MTCL1: variants seen among roughly 807,000 people sequenced by gnomAD.
The protein encoded by MTCL1 is microtubule crosslinking factor 1.
Under a neutral mutation model 141.4 loss-of-function variants are expected in MTCL1, and 79 were observed. The ratio of observed to expected loss-of-function variants is 0.56; its 90% CI spans 0.47 to 0.67. The LOEUF (loss-of-function observed/expected upper bound fraction) is 0.67, where lower values mean the gene tolerates loss of function less well. Among genes scored for constraint, MTCL1 ranks in the 30% least tolerant of loss-of-function variants. MTCL1 has a pLI of 0.00. For synonymous variants in MTCL1, 914 were observed against 875.8 expected (o/e 1.04, Z -0.77); for missense variants, 2,177 against 2,113.9 (o/e 1.03, Z -0.59).
chr18:8,826,618 A>T (rs2077036527), intron 15 of MTCL1, among the ~76,000 whole-genome samples: 1 of 152,180 alleles, frequency 6.6e-6, no homozygotes, highest in African/African-American at 2.4e-5. Context: ...CATACTGCAG[A>T]CCTTCATATG....
chr18:8,785,929 C>A lies in MTCL1; in HGVS notation c.1732-7C>A. ...ACAACAACAAATTCCTCCCGTGCAC[C>A]TAACAGTCCAGACTGAAAGAGCAGC... On this transcript the variant is annotated splice_region_variant and splice_polypyrimidine_tract_variant and intron_variant, in intron 6 of 16. Transcript: ENST00000359865. 3 of 1,579,088 alleles carry A rather than the reference C, an allele frequency of 1.9e-6. No individual in the cohort carries two copies. The highest frequency in any genetic ancestry group is 2.6e-6 in the Non-Finnish European group (3 of 1,166,236).
rs2144357509 is a variant in MTCL1, at chr18:8,819,344, C to T, written c.3156+85C>T. On this transcript the variant is annotated intron_variant, in intron 13 of 16. Coordinates refer to ENST00000359865, the Ensembl canonical transcript of MTCL1. ...CCTAAGAGGCATCTGCCAGATTCCTCTCCTGGCAGGCTCTAGCACTTTTGC... is the reference window on the plus strand; with the variant it reads ...CCTAAGAGGCATCTGCCAGATTCCTTTCCTGGCAGGCTCTAGCACTTTTGC... The T allele has an allele frequency of 2.8e-6, 4 of 1,434,776 alleles. No homozygotes were observed. In the South Asian group the frequency reaches 3.9e-5, roughly 14 times the overall value. 88.9% of individuals were successfully genotyped at this position (1,434,776 alleles called of 1,614,324 possible).
chr18:8,732,090 AAC>A (rs1218842855), intron 4 of MTCL1, among the ~76,000 whole-genome samples: 1 of 151,964 alleles, frequency 6.6e-6, no homozygotes, highest in Non-Finnish European at 1.5e-5. Flanking sequence ...TAATTTAGGT[AAC>A]TTTATTCTTT....
At chr18:8,742,687 T>C (rs193051624) in intron 4 of MTCL1, among the ~76,000 whole-genome samples, 245 of 152,352 alleles carry the variant, frequency 1.6e-3, no homozygotes, top group African/African-American at 5.7e-3. Flanking sequence ...CACATCACCG[T>C]CGTTTCCTTT....
exon 6 of MTCL1, chr18:8,783,557 C>T: frequency 1.2e-6 from 2 of 1,606,270 alleles, no homozygotes; most frequent in African/African-American, 1.3e-5. Flanking sequence ...GAGGTGCCAG[C>T]TCCAGTTTGC....
chr18:8,830,918 C>T lies in MTCL1; in HGVS notation c.*19-689C>T. The T allele has an allele frequency of 1.0e-6, 1 of 985,538 alleles. No homozygotes were observed. Among genetic ancestry groups the T allele is most frequent in the Non-Finnish European group, 1.2e-6 (1 of 830,022 alleles). 61.0% of individuals were successfully genotyped at this position (985,538 alleles called of 1,614,324 possible). ...TGTCTTGCATCACCTGCTCGCAGAA[C>T]ATTAGGATGCCTGAAACACAAAACC... is the stretch of plus-strand genomic sequence containing the variant. On this transcript the variant is annotated intron_variant, in intron 16 of 16. Coordinates refer to ENST00000359865, the Ensembl canonical transcript of MTCL1. This position sits in a 1 kb window ranked among gnomAD's most constrained non-coding sequence, Gnocchi z 6.4.
At chr18:8,731,489 G>A (rs546475568) in intron 4 of MTCL1, among the ~76,000 whole-genome samples, 37 of 151,962 alleles carry the variant, frequency 2.4e-4, no homozygotes, top group Admixed American at 1.6e-3. Flanking sequence ...CAAGAGAATC[G>A]CTTGAACCTG....
Position 8,830,627 on chromosome 18 carries a change from G to A in MTCL1, c.*19-980G>A, listed in dbSNP as rs2077165894. On this transcript the variant is annotated intron_variant, in intron 16 of 16. Coordinates refer to ENST00000359865, the Ensembl canonical transcript of MTCL1. This position sits in a 1 kb window ranked among gnomAD's most constrained non-coding sequence, Gnocchi z 6.4. ...ATCCTCCAACTCACTTCCTTTCTTT[G>A]AGGGTCCTTGTTCTCTGTCATCCTT... 1 of 985,656 alleles carries A rather than the reference G, an allele frequency of 1.0e-6. No individual in the cohort carries two copies. The highest frequency in any genetic ancestry group is 1.2e-6 in the Non-Finnish European group (1 of 830,126). The allele number at this position is 985,656 out of a possible 1,614,324, so 61.1% of individuals were successfully genotyped here.
chr18:8,801,618 C>T (rs958234164), intron 10 of MTCL1: 2 of 152,190 alleles, frequency 1.3e-5, no homozygotes, highest in Non-Finnish European at 2.9e-5. Flanking sequence ...ATCCTACCTC[C>T]CAGAGTTAAC....
At chr18:8,720,802 C>T (rs2096166142) in intron 4 of MTCL1, among the ~76,000 whole-genome samples, 1 of 152,108 alleles carries the variant, frequency 6.6e-6, no homozygotes, top group Non-Finnish European at 1.5e-5. Context: ...TTATTGGGCC[C>T]TGGTCTAAAG....
chr18:8,776,649 G>GT lies in MTCL1; in HGVS notation c.358-1180dup, dbSNP rs755696001. ...CCTGAGAATTTCAAAACCTAGTTAG[G>GT]TTTTCTCTGTAAACAAGGGCCGCCC... On this transcript the variant is annotated intron_variant, in intron 4 of 16. Transcript: ENST00000359865. Among the ~76,000 whole-genome samples, 6 of 152,164 alleles carry GT rather than the reference G, an allele frequency of 3.9e-5. No individual in the cohort carries two copies. The East Asian group carries it at 1.2e-3, about 29-fold the overall frequency.
chr18:8,831,112 A>G, intron 16 of MTCL1: 1 of 987,394 alleles, frequency 1.0e-6, no homozygotes, highest in Non-Finnish European at 1.2e-6. Flanking sequence ...GAGTTCGTTT[A>G]AGACGACTGC....
exon 17 of MTCL1, chr18:8,832,030 T>C: frequency 1.7e-6 from 1 of 587,386 alleles, no homozygotes; most frequent in Non-Finnish European, 3.0e-6. Flanking sequence ...CTCAGAAAAC[T>C]ATTTTTGTCT....
upstream of MTCL1, among the ~76,000 whole-genome samples, chr18:8,712,662 C>T (rs1443851683): frequency 6.6e-6 from 1 of 152,212 alleles, no homozygotes; most frequent in East Asian, 1.9e-4. Flanking sequence ...TTAATGTAGA[C>T]AAGGGCTGCG....
exon 15 of MTCL1, chr18:8,825,043 C>T (rs139524026): frequency 6.2e-7 from 1 of 1,613,082 alleles, no homozygotes; most frequent in East Asian, 2.2e-5. Context: ...CAGAAGCAGC[C>T]ACTGCGGAGC....
At chr18:8,778,707 C>T (rs1467623901) in intron 5 of MTCL1, among the ~76,000 whole-genome samples, 1 of 152,212 alleles carries the variant, frequency 6.6e-6, no homozygotes, top group Non-Finnish European at 1.5e-5. Context: ...TCCCTTCCAC[C>T]CTCCCCAACC....
chr18:8,744,405 TC>T (rs1439249215), intron 4 of MTCL1, among the ~76,000 whole-genome samples: 9 of 152,252 alleles, frequency 5.9e-5, no homozygotes, highest in Non-Finnish European at 1.2e-4. Flanking sequence ...GCTTCTGACT[TC>T]CTTCTTTAAG....
rs752335180 is a variant in MTCL1, at chr18:8,825,561, G to T, written c.4051G>T (p.Ala1351Ser). 4.3e-6 allele frequency: 7 copies of T among 1,613,036 alleles called. No individual in the cohort carries two copies. The Admixed American group carries it at 8.3e-5, about 19-fold the overall frequency. The change falls in exon 15 of 17, where the codon GCT (alanine) becomes TCT (serine). Residue 1351 changes from alanine (A) to serine (S), a missense_variant. Transcript: ENST00000359865. ...CCCCCACAAGTGTCTCACTCCAAAG[G>T]CTGGGGGCGGTGCTACACCCGTGTC...
intron 12 of MTCL1, among the ~76,000 whole-genome samples, chr18:8,815,887 A>G (rs1183304555): frequency 6.6e-6 from 1 of 152,168 alleles, no homozygotes; most frequent in Non-Finnish European, 1.5e-5. Flanking sequence ...TGTGTGATGG[A>G]TCCCACAGTC....
Sources: gnomAD v4.1 joint callset for allele counts (sites outside exome capture counted in the v4.1 genomes callset) on GRCh38, gnomAD v4.1.1 for gene constraint, Gnocchi (gnomAD v3.1) non-coding constraint, MANE v1.5 for transcripts, NCBI Gene and HGNC (gene_info 2026-07-23, HGNC 2026-07-21) for gene names.